The following HTR7 variants were observed in gnomAD, a reference collection of about 807,000 sequenced individuals.
The protein encoded by HTR7 is 5-HT-7.
In HTR7, 16 loss-of-function variants were observed where a neutral mutation model predicts 34.0. The observed-to-expected ratio is 0.47, with a 90% confidence interval of 0.32 to 0.71. The LOEUF is 0.71. Ranked by LOEUF, HTR7 falls within the 30% of genes least tolerant of loss-of-function variation. The pLI is 0.04. For missense variants in HTR7, 504 were observed against 625.5 expected (o/e 0.81, Z 2.07); for synonymous variants, 265 against 260.2 (o/e 1.02, Z -0.18).
At chr10:90,810,276 C>T (rs1285963905) in intron 1 of HTR7, among the ~76,000 whole-genome samples, 1 of 152,022 alleles carries the variant, frequency 6.6e-6, no homozygotes, top group Non-Finnish European at 1.5e-5. Context: ...ACTTCAAAGC[C>T]TCCTTCACAT....
intron 1 of HTR7, among the ~76,000 whole-genome samples, chr10:90,840,181 A>T (rs74148866): frequency 2.6e-3 from 292 of 113,934 alleles, no homozygotes; most frequent in Middle Eastern, 0.01. Context: ...TCTCTCTCAC[A>T]CACACACACA....
rs77064292 is a variant in HTR7, at chr10:90,775,343, T to C, written c.540-25749A>G. On this transcript the variant is annotated intron_variant, in intron 1 of 3. Coordinates refer to ENST00000336152, the MANE Select transcript of HTR7 (RefSeq NM_019859.4). The stretch of plus-strand genomic sequence containing the variant: ...CAATTACAGGGATAGAGGGAGGGGG[T>C]AAGGTGTGATGGCGAGTTGAGAGGT... Among the ~76,000 whole-genome samples the C allele has an allele frequency of 3.1e-3, 473 of 151,408 alleles. 1 individual carries two copies. Among genetic ancestry groups the C allele is most frequent in the Middle Eastern group, 0.01 (3 of 294 alleles).
chr10:90,784,421 G>C (rs563422668), intron 1 of HTR7, among the ~76,000 whole-genome samples: 1 of 152,192 alleles, frequency 6.6e-6, no homozygotes, highest in Admixed American at 6.5e-5. Flanking sequence ...CTGCACAATG[G>C]AAATATAATA....
At chr10:90,846,863 G>A (rs1846419597) in intron 1 of HTR7, among the ~76,000 whole-genome samples, 2 of 152,194 alleles carry the variant, frequency 1.3e-5, no homozygotes, top group African/African-American at 4.8e-5. Context: ...GATTGGGGTA[G>A]GCAACCAGCA....
At chr10:90,776,934 G>A (rs574656504) in intron 1 of HTR7, among the ~76,000 whole-genome samples, 1 of 152,274 alleles carries the variant, frequency 6.6e-6, no homozygotes, top group African/African-American at 2.4e-5. Context: ...GTTAGCTGAG[G>A]ACTGGCAAGA....
At chr10:90,840,886 G>T (rs1422157724) in intron 1 of HTR7, among the ~76,000 whole-genome samples, 2 of 152,168 alleles carry the variant, frequency 1.3e-5, no homozygotes, top group African/African-American at 4.8e-5. Flanking sequence ...TGTCAAATTT[G>T]GGACCTGAAC....
intron 1 of HTR7, among the ~76,000 whole-genome samples, chr10:90,769,523 G>A (rs559425749): frequency 6.6e-6 from 1 of 152,068 alleles, no homozygotes; most frequent in African/African-American, 2.4e-5. Context: ...TCTGATCGAG[G>A]CCTATCACAA....
intron 1 of HTR7, among the ~76,000 whole-genome samples, chr10:90,831,562 G>A (rs934380562): frequency 3.9e-5 from 6 of 152,216 alleles, no homozygotes; most frequent in African/African-American, 1.4e-4. Flanking sequence ...ACTGTGGAAA[G>A]GGACCCCAGC....
chr10:90,826,423 A>ATT (rs1846074963), intron 1 of HTR7, among the ~76,000 whole-genome samples: 2 of 152,352 alleles, frequency 1.3e-5, no homozygotes, highest in Admixed American at 1.3e-4. Context: ...ACTCACTGAT[A>ATT]ATAATAAGTA....
intron 1 of HTR7, among the ~76,000 whole-genome samples, chr10:90,849,156 G>T (rs1184541310): frequency 6.6e-6 from 1 of 152,172 alleles, no homozygotes; most frequent in Admixed American, 6.5e-5. Context: ...ACTTTTGGTG[G>T]ACAAGCATCT....
At chr10:90,776,838 T>C (rs1200509507) in intron 1 of HTR7, among the ~76,000 whole-genome samples, 1 of 152,230 alleles carries the variant, frequency 6.6e-6, no homozygotes, top group East Asian at 1.9e-4. Context: ...TTACAAAGGC[T>C]ACACGGTCTC....
intron 1 of HTR7, among the ~76,000 whole-genome samples, chr10:90,819,471 T>C (rs768236323): frequency 5.3e-5 from 8 of 152,102 alleles, no homozygotes; most frequent in African/African-American, 9.7e-5. Context: ...ATCTGCTGGG[T>C]TTCAAACCTT....
At chr10:90,772,475 A>C (rs530622185) in intron 1 of HTR7, among the ~76,000 whole-genome samples, 1 of 152,290 alleles carries the variant, frequency 6.6e-6, no homozygotes, top group South Asian at 2.1e-4. Context: ...AAACCACACA[A>C]GTTCGGTTCA....
chr10:90,766,691 T>C (rs566602288), intron 1 of HTR7, among the ~76,000 whole-genome samples: 54 of 152,364 alleles, frequency 3.5e-4, no homozygotes, highest in African/African-American at 1.2e-3. Flanking sequence ...ATCTTGTGTG[T>C]ATCTACTACA....
At chr10:90,798,400 C>T (rs1001383837) in intron 1 of HTR7, among the ~76,000 whole-genome samples, 1 of 152,146 alleles carries the variant, frequency 6.6e-6, no homozygotes, top group Non-Finnish European at 1.5e-5. Flanking sequence ...TTAAATTGGA[C>T]TGGGTTGGGT....
At chr10:90,827,168 G>A (rs1846091354) in intron 1 of HTR7, among the ~76,000 whole-genome samples, 2 of 152,064 alleles carry the variant, frequency 1.3e-5, no homozygotes, top group East Asian at 3.9e-4. Context: ...AAAACAACCA[G>A]AAAATAAATA....
At chr10:90,837,710 G>A (rs1321925078) in intron 1 of HTR7, among the ~76,000 whole-genome samples, 6 of 152,310 alleles carry the variant, frequency 3.9e-5, no homozygotes, top group South Asian at 4.2e-4. Context: ...ACTACAGTGC[G>A]GCACATCTGG....
intron 1 of HTR7, among the ~76,000 whole-genome samples, chr10:90,800,997 T>C (rs73314035): frequency 6.6e-6 from 1 of 152,330 alleles, no homozygotes; most frequent in African/African-American, 2.4e-5. Flanking sequence ...AGATTCTCTC[T>C]GACAGATTGT....
At position 90,742,571 on chromosome 10, in the gene HTR7, C is replaced by T. The variant is rs1844571111; in HGVS notation, c.1394-43G>A. 4 of 1,369,430 alleles carry T rather than the reference C, an allele frequency of 2.9e-6. No homozygotes were observed. The East Asian group carries it at 6.9e-5, about 24-fold the overall frequency. The allele number at this position is 1,369,430 out of a possible 1,614,324, so 84.8% of individuals were successfully genotyped here. A position where few individuals can be genotyped will look rare whatever the true frequency, so the allele number is the denominator to read the frequency against. On this transcript the variant is annotated intron_variant, in intron 3 of 3. Transcript: ENST00000336152. Reference sequence around the variant, plus strand: ...AAAAATAGAAAATAATTTAGTAGAACTGTAAATGTGAGTTTTCATTTTGTG... The same window carrying T: ...AAAAATAGAAAATAATTTAGTAGAATTGTAAATGTGAGTTTTCATTTTGTG...
Sources: gnomAD v4.1 joint callset for allele counts (sites outside exome capture counted in the v4.1 genomes callset) on GRCh38, gnomAD v4.1.1 for gene constraint, MANE v1.5 for transcripts, NCBI Gene and HGNC (gene_info 2026-07-23, HGNC 2026-07-21) for gene names.